The following GRIP1 variants were observed in gnomAD, a reference collection of about 807,000 sequenced individuals.
GRIP1 encodes the protein glutamate receptor-interacting protein 1.
In GRIP1, 45 loss-of-function variants were observed where a neutral mutation model predicts 129.9. The observed-to-expected ratio is 0.35, with a 90% CI of 0.27 to 0.44. The LOEUF is 0.44. GRIP1 is among the 20% of genes least tolerant of loss of function. The pLI, the probability that GRIP1 is intolerant of heterozygous loss-of-function variation, is 1.00. For missense variants in GRIP1, 1,196 were observed against 1,396.8 expected, an observed-to-expected ratio of 0.86 and a Z score of 2.29; for synonymous variants, 530 against 520.8, an observed-to-expected ratio of 1.02 and a Z score of -0.24.
intron 19 of GRIP1, among the ~76,000 whole-genome samples, chr12:66,382,519 A>G (rs2056158027): frequency 6.6e-6 from 1 of 152,232 alleles, no homozygotes; most frequent in African/African-American, 2.4e-5. Flanking sequence ...AAAATGAAGA[A>G]GAATGAATGC....
chr12:67,048,955 T>G (rs943092764), intron 1 of GRIP1, among the ~76,000 whole-genome samples: 1 of 152,082 alleles, frequency 6.6e-6, no homozygotes, highest in African/African-American at 2.4e-5. Context: ...CAGCATGAAA[T>G]GGACTGATAC....
chr12:66,427,702 T>TGA (rs2058028522), intron 14 of GRIP1, among the ~76,000 whole-genome samples: 2 of 152,186 alleles, frequency 1.3e-5, no homozygotes, highest in Admixed American at 1.3e-4. Flanking sequence ...AAGGAAGAAG[T>TGA]GAGAACTGAA....
intron 1 of GRIP1, among the ~76,000 whole-genome samples, chr12:66,857,212 G>A (rs1452460905): frequency 2.6e-5 from 4 of 151,398 alleles, no homozygotes; most frequent in Admixed American, 6.6e-5. Flanking sequence ...ATCACACACC[G>A]GGGCCTGTTG....
intron 20 of GRIP1, 92 bp downstream of exon 20, chr12:66,379,188 C>T: frequency 2.3e-6 from 3 of 1,276,880 alleles, no homozygotes; most frequent in Non-Finnish European, 2.3e-6. Context: ...CCCATACTAA[C>T]AATATGTGCT....
intron 1 of GRIP1, among the ~76,000 whole-genome samples, chr12:67,030,110 C>T (rs1414964219): frequency 6.6e-6 from 1 of 150,550 alleles, no homozygotes; most frequent in Non-Finnish European, 1.5e-5. Flanking sequence ...ACTGGGGAGG[C>T]TGAGGCAGGA....
chr12:66,646,812 G>A (rs2032408959), intron 1 of GRIP1, among the ~76,000 whole-genome samples: 1 of 152,152 alleles, frequency 6.6e-6, no homozygotes, highest in Non-Finnish European at 1.5e-5. Context: ...ATAGAGACCA[G>A]GTAGCAAGAA....
At chr12:66,563,776 T>C (rs1234929773) in intron 2 of GRIP1, 1 of 152,200 alleles carries the variant, frequency 6.6e-6, no homozygotes, top group Non-Finnish European at 1.5e-5. Context: ...TTATGCATTG[T>C]ATATAATTAA....
chr12:66,971,546 C>G (rs561165760), intron 1 of GRIP1, among the ~76,000 whole-genome samples: 1 of 152,140 alleles, frequency 6.6e-6, no homozygotes, highest in South Asian at 2.1e-4. Flanking sequence ...TGGATAGCAA[C>G]TGGATAGTAA....
intron 7 of GRIP1, among the ~76,000 whole-genome samples, chr12:66,491,966 T>G (rs910225398): frequency 6.6e-6 from 1 of 152,182 alleles, no homozygotes; most frequent in Non-Finnish European, 1.5e-5. Context: ...AAAAATGGAA[T>G]GAATCTCCAT....
At chr12:66,755,204 G>T (rs1480017) in intron 1 of GRIP1, among the ~76,000 whole-genome samples, 96,459 of 151,946 alleles carry the variant, frequency 0.63, 30,767 homozygotes, top group Middle Eastern at 0.79. Context: ...ATTTAAAACA[G>T]TAAAAAGGCA....
At chr12:66,980,030 T>G (rs963132470) in intron 1 of GRIP1, among the ~76,000 whole-genome samples, 1 of 152,132 alleles carries the variant, frequency 6.6e-6, no homozygotes, top group African/African-American at 2.4e-5. Context: ...ACAATGATTA[T>G]GTTAGGAGAA....
intron 1 of GRIP1, among the ~76,000 whole-genome samples, chr12:66,844,428 G>T (rs1190957000): frequency 2.0e-5 from 3 of 152,016 alleles, no homozygotes; most frequent in Non-Finnish European, 4.4e-5. Context: ...CTATCAACAA[G>T]AACAACAACA....
chr12:66,615,960 T>C lies in GRIP1; in HGVS notation c.56-19033A>G, dbSNP rs1221547278. ...GCATCTGGCCTTAAATGGCAAACTT[T>C]GAATTAACCACGATGCCTGCATTCA... On this transcript the variant is annotated intron_variant, in intron 1 of 24. Coordinates refer to ENST00000359742, the MANE Select transcript of GRIP1 (RefSeq NM_001366722.1). Among the ~76,000 whole-genome samples the C allele has an allele frequency of 3.9e-5, 6 of 152,288 alleles. No individual in the cohort carries two copies. In the East Asian group the frequency reaches 1.2e-3, roughly 30 times the overall value.
chr12:66,945,831 A>G (rs1037467132), intron 1 of GRIP1, among the ~76,000 whole-genome samples: 2 of 152,206 alleles, frequency 1.3e-5, no homozygotes, highest in Admixed American at 6.5e-5. Context: ...TCCACATCCT[A>G]TGAAAAAAAT....
intron 1 of GRIP1, among the ~76,000 whole-genome samples, chr12:66,865,394 A>G (rs902092178): frequency 2.6e-5 from 4 of 152,134 alleles, no homozygotes; most frequent in African/African-American, 7.2e-5. Flanking sequence ...TCTTTAGACA[A>G]TGAGGAAAAC....
chr12:66,887,108 T>C (rs1225172881), intron 1 of GRIP1, among the ~76,000 whole-genome samples: 1 of 152,238 alleles, frequency 6.6e-6, no homozygotes, highest in Non-Finnish European at 1.5e-5. Context: ...CTTGATCTTA[T>C]GCTTTGTTTT....
intron 19 of GRIP1, among the ~76,000 whole-genome samples, chr12:66,381,234 A>G (rs74601842): frequency 0.014 from 2,070 of 152,354 alleles, 112 homozygotes; most frequent in Admixed American, 0.09. Flanking sequence ...AAATATTTAC[A>G]GTTCAATGTC....
intron 1 of GRIP1, among the ~76,000 whole-genome samples, chr12:66,708,505 TC>T (rs2035610438): frequency 6.6e-6 from 1 of 151,910 alleles, no homozygotes. Flanking sequence ...TTTTCTTAGT[TC>T]GGGCCTAGGT....
rs71069009 is a variant in GRIP1 at position 66,531,252 on chromosome 12, AATATATATATATATATAT to A, written c.419-1356_419-1339del. On this transcript the variant is annotated intron_variant, in intron 4 of 24. Coordinates refer to ENST00000359742, the MANE Select transcript of GRIP1 (RefSeq NM_001366722.1). Reference sequence around the variant, plus strand: ...CTCTGTCTCAAAAAAAAAAAAAAAAAATATATATATATATATATATATATATATATATATATATATATA... The same window carrying A: ...CTCTGTCTCAAAAAAAAAAAAAAAAAATATATATATATATATATATATATA... 3.8e-3 allele frequency among the ~76,000 whole-genome samples: 74 copies of A among 19,458 alleles called. 2 individuals are homozygous for A. The Admixed American group carries it at 0.043, about 11-fold the overall frequency. 12.8% of individuals were successfully genotyped at this position (19,458 alleles called of 152,430 possible).
Sources: allele counts gnomAD v4.1 joint callset (sites outside exome capture counted in the v4.1 genomes callset), GRCh38; gene constraint gnomAD v4.1.1; transcripts MANE v1.5; gene names NCBI Gene and HGNC (gene_info 2026-07-23, HGNC 2026-07-21).